The following JAKMIP1 variants were observed in gnomAD, a reference collection of about 807,000 sequenced individuals.
The protein encoded by JAKMIP1 is janus kinase and microtubule interacting protein 1.
In JAKMIP1, 33 loss-of-function variants were observed where a neutral mutation model predicts 113.0. The ratio of observed to expected loss-of-function variants is 0.29; its 90% confidence interval spans 0.22 to 0.39. The LOEUF (loss-of-function observed/expected upper bound fraction) is 0.39. Among genes scored for constraint, JAKMIP1 ranks in the 10% least tolerant of loss-of-function variants. The pLI is 1.00. For synonymous variants in JAKMIP1, 480 were observed against 459.9 expected (o/e 1.04, Z -0.56); for missense variants, 813 against 1,080.5 (o/e 0.75, Z 3.47).
rs1197449987 is a variant in JAKMIP1, at chr4:6,183,495, A to AATAAATAAATAAATAT, written c.-148+16757_-148+16758insATATTTATTTATTTAT. ...CTCTGTCTCAATAAATAAATAAATA[A>AATAAATAAATAAATAT]ATAAATAAATAAATTTAAAAAAGAA... On this transcript the variant is annotated intron_variant, in intron 1 of 20. Coordinates refer to ENST00000409021, the MANE Select transcript of JAKMIP1 (RefSeq NM_001099433.2). The surrounding 1 kb of genome is among the most constrained non-coding windows in gnomAD (Gnocchi z 5.3). 2.0e-5 allele frequency among the ~76,000 whole-genome samples: 3 copies of AATAAATAAATAAATAT among 150,508 alleles called. No homozygotes were observed. Among genetic ancestry groups the AATAAATAAATAAATAT allele is most frequent in the African/African-American group, 7.3e-5 (3 of 41,124 alleles).
At chr4:6,078,331 A>C (rs911254649) in intron 8 of JAKMIP1, among the ~76,000 whole-genome samples, 2 of 151,654 alleles carry the variant, frequency 1.3e-5, no homozygotes, top group African/African-American at 4.9e-5. Flanking sequence ...AAAAACAAAA[A>C]AAAAATGGAG....
rs1720322052 is a variant in JAKMIP1, at chr4:6,142,602, C to G, written c.-147-29605G>C. 6.6e-6 allele frequency among the ~76,000 whole-genome samples: 1 copy of G among 152,180 alleles called. No homozygotes were observed. Among genetic ancestry groups the G allele is most frequent in the Non-Finnish European group, 1.5e-5 (1 of 68,048 alleles). On this transcript the variant is annotated intron_variant, in intron 1 of 20. Transcript: ENST00000409021. The surrounding 1 kb of genome is among the most constrained non-coding windows in gnomAD (Gnocchi z 5.5). ...TAAATCCTTAAAATATAGCTGGAGT[C>G]TCTGCTCTCGGACTTAAGAGGCAGC...
chr4:6,079,066 C>T, intron 7 of JAKMIP1, 68 bp from the exon 8 acceptor site: 3 of 1,569,460 alleles, frequency 1.9e-6, no homozygotes, highest in Non-Finnish European at 2.6e-6. Flanking sequence ...GCCACTGGCT[C>T]TCAAAGGGAG....
intron 1 of JAKMIP1, among the ~76,000 whole-genome samples, chr4:6,171,180 CCACCATCACCATCAT>C (rs1724628806): frequency 6.9e-6 from 1 of 145,388 alleles, no homozygotes; most frequent in African/African-American, 2.7e-5. Context: ...ACCATTACCA[CCACCATCACCATCAT>C]CACCACCATC....
At chr4:6,172,187 G>A (rs1213803793) in intron 1 of JAKMIP1, among the ~76,000 whole-genome samples, 1 of 152,180 alleles carries the variant, frequency 6.6e-6, no homozygotes. Context: ...GTCTGACTTG[G>A]CAGGAAAGCT....
chr4:6,085,991 T>A (rs1388898754), intron 3 of JAKMIP1, among the ~76,000 whole-genome samples: 1 of 152,050 alleles, frequency 6.6e-6, no homozygotes, highest in Non-Finnish European at 1.5e-5. Context: ...GGCTTCTCTC[T>A]CCGTCTCCAG....
At chr4:6,101,903 TA>T (rs34415235) in intron 3 of JAKMIP1, among the ~76,000 whole-genome samples, 93,073 of 132,164 alleles carry the variant, frequency 0.7, 33,197 homozygotes, top group East Asian at 0.97. Flanking sequence ...AAGACTCAGT[TA>T]AAAAAAAAAA....
chr4:6,027,499 G>A lies in JAKMIP1; in HGVS notation c.2446-1221C>T, dbSNP rs148020720. On this transcript the variant is annotated intron_variant, in intron 20 of 20. Coordinates refer to ENST00000409021, the MANE Select transcript of JAKMIP1 (RefSeq NM_001099433.2). ...TCTGGCAATGACGAAGGGACCAAGG[G>A]GCCAGGGATAGTGGTGGCTGGAGCT... Among the ~76,000 whole-genome samples the A allele has an allele frequency of 2.5e-3, 378 of 152,272 alleles. 3 individuals are homozygous for A. The highest frequency in any genetic ancestry group is 8.7e-3 in the African/African-American group (363 of 41,564).
chr4:6,132,166 G>A (rs1053192339), intron 1 of JAKMIP1, among the ~76,000 whole-genome samples: 8 of 152,230 alleles, frequency 5.3e-5, no homozygotes, highest in African/African-American at 1.9e-4. Flanking sequence ...TGGGAGAGAC[G>A]AAACGGGACT....
At position 6,097,675 on chromosome 4, in the gene JAKMIP1, G is replaced by A. The variant is rs1195882013; in HGVS notation, c.624+7798C>T. Reference sequence around the variant, plus strand: ...CTTTGGAAAACTCCATAAGGATGGGGGAAGCTTTACAGATCACTTCCCCAT... The same window carrying A: ...CTTTGGAAAACTCCATAAGGATGGGAGAAGCTTTACAGATCACTTCCCCAT... On this transcript the variant is annotated intron_variant, in intron 3 of 20. Transcript: ENST00000409021. The surrounding 1 kb of genome is among the most constrained non-coding windows in gnomAD (Gnocchi z 4.3). Among the ~76,000 whole-genome samples the A allele has an allele frequency of 1.3e-5, 2 of 152,142 alleles. No individual in the cohort carries two copies. The highest frequency in any genetic ancestry group is 6.5e-5 in the Admixed American group (1 of 15,272).
intron 5 of JAKMIP1, among the ~76,000 whole-genome samples, chr4:6,084,640 T>C (rs1470038212): frequency 6.6e-6 from 1 of 152,162 alleles, no homozygotes; most frequent in East Asian, 1.9e-4. Context: ...AGTTGTTTGC[T>C]AAAGATAAGT....
At chr4:6,048,997 G>T in intron 15 of JAKMIP1, 75 bp from the exon 16 acceptor site, 4 of 881,688 alleles carry the variant, frequency 4.5e-6, no homozygotes, top group African/African-American at 1.7e-5. Flanking sequence ...CACCAAGCAA[G>T]TTTTTTTTTT....
At chr4:6,036,202 G>C (rs1324680494) in intron 18 of JAKMIP1, 95 bp from the exon 19 acceptor site, 1 of 1,012,372 alleles carries the variant, frequency 9.9e-7, no homozygotes, top group African/African-American at 1.6e-5. Flanking sequence ...AGCCAGGGAG[G>C]GGGGTTTCGG....
At chr4:6,175,544 T>C (rs1725249012) in intron 1 of JAKMIP1, among the ~76,000 whole-genome samples, 4 of 152,192 alleles carry the variant, frequency 2.6e-5, no homozygotes, top group African/African-American at 7.2e-5. Flanking sequence ...CCCAAGCATC[T>C]CGCTCATGAC....
rs1267700953 is a variant in JAKMIP1 at position 6,106,880 on chromosome 4, C to G, written c.130-913G>C. On this transcript the variant is annotated intron_variant, in intron 2 of 20. Coordinates refer to ENST00000409021, the MANE Select transcript of JAKMIP1 (RefSeq NM_001099433.2). This position sits in a 1 kb window ranked among gnomAD's most constrained non-coding sequence, Gnocchi z 5.9. Reference sequence around the variant, plus strand: ...CCTGAAATGAATTGCCTCTGGTGGACAAGCTGCTTCCAGGGAAAATGGCAA... The same window carrying G: ...CCTGAAATGAATTGCCTCTGGTGGAGAAGCTGCTTCCAGGGAAAATGGCAA... 6.6e-6 allele frequency among the ~76,000 whole-genome samples: 1 copy of G among 152,190 alleles called. No individual in the cohort carries two copies. The highest frequency in any genetic ancestry group is 1.5e-5 in the Non-Finnish European group (1 of 68,030).
chr4:6,062,572 C>A, intron 9 of JAKMIP1, 132 bp from the exon 10 acceptor site: 1 of 924,066 alleles, frequency 1.1e-6, no homozygotes. Flanking sequence ...ACTTAGACAT[C>A]AAACGACCAC....
rs530072314 is a variant in JAKMIP1, at chr4:6,086,787, T to C, written c.625-1158A>G. ...GTCATCCTGGAGCAGGGTGGGCCCT[T>C]ATGACTGGTGTCCTTATGAGAGGAG... On this transcript the variant is annotated intron_variant, in intron 3 of 20. Transcript: ENST00000409021. This position sits in a 1 kb window ranked among gnomAD's most constrained non-coding sequence, Gnocchi z 4.1. Among the ~76,000 whole-genome samples, 8 of 151,920 alleles carry C rather than the reference T, an allele frequency of 5.3e-5. No individual in the cohort carries two copies. The highest frequency in any genetic ancestry group is 8.8e-5 in the Non-Finnish European group (6 of 67,978).
At chr4:6,107,833 G>C (rs540617332) in intron 2 of JAKMIP1, among the ~76,000 whole-genome samples, 2 of 152,118 alleles carry the variant, frequency 1.3e-5, no homozygotes, top group Non-Finnish European at 2.9e-5. Context: ...CAGAGCTCCA[G>C]TTTCCTCTAC....
intron 1 of JAKMIP1, among the ~76,000 whole-genome samples, chr4:6,151,958 G>A (rs1220022846): frequency 6.6e-6 from 1 of 152,168 alleles, no homozygotes; most frequent in Non-Finnish European, 1.5e-5. Context: ...TTGTTATGAT[G>A]ACTTTTACTT....
Sources: gnomAD v4.1 joint callset for allele counts (sites outside exome capture counted in the v4.1 genomes callset) on GRCh38, gnomAD v4.1.1 for gene constraint, Gnocchi (gnomAD v3.1) non-coding constraint, MANE v1.5 for transcripts, NCBI Gene and HGNC (gene_info 2026-07-23, HGNC 2026-07-21) for gene names.